The following CCDC170 variants were observed in gnomAD, a reference collection of about 807,000 sequenced individuals.
The protein encoded by CCDC170 is coiled-coil domain containing 170.
In CCDC170, 69 loss-of-function variants were observed where a neutral mutation model predicts 72.6. The observed-to-expected ratio is 0.95, with a 90% CI of 0.78 to 1.16. The LOEUF (loss-of-function observed/expected upper bound fraction) is 1.16, where lower values mean the gene tolerates loss of function less well. Among genes scored for constraint, CCDC170 ranks in the 50% most tolerant of loss-of-function variants. The pLI is 0.00. For synonymous variants in CCDC170, 300 were observed against 303.9 expected (o/e 0.99, Z 0.13); for missense variants, 852 against 832.5 (o/e 1.02, Z -0.29).
chr6:151,580,895 T>G (rs1389179991), intron 6 of CCDC170, among the ~76,000 whole-genome samples: 1 of 152,218 alleles, frequency 6.6e-6, no homozygotes, highest in South Asian at 2.1e-4. Context: ...GGTTTCTCAG[T>G]GCATATAAAA....
intron 6 of CCDC170, among the ~76,000 whole-genome samples, chr6:151,582,986 CTTTTTTTTTTTTT>C (rs35947074): frequency 9.6e-5 from 9 of 94,230 alleles, no homozygotes; most frequent in Admixed American, 3.8e-4. Flanking sequence ...TGGAGTAGCA[CTTTTTTTTTTTTT>C]TTTTTTTTTT....
chr6:151,578,502 C>T (rs1374009460), intron 6 of CCDC170, among the ~76,000 whole-genome samples: 2 of 152,138 alleles, frequency 1.3e-5, no homozygotes, highest in African/African-American at 2.4e-5. Flanking sequence ...CTTATAAGGA[C>T]CTCAGTCATC....
intron 9 of CCDC170, among the ~76,000 whole-genome samples, chr6:151,613,434 A>G (rs1008963541): frequency 6.6e-6 from 1 of 152,214 alleles, no homozygotes; most frequent in Non-Finnish European, 1.5e-5. Context: ...GATTTTTAGT[A>G]TATGCACATA....
At chr6:151,578,298 A>C (rs1397273590) in intron 6 of CCDC170, among the ~76,000 whole-genome samples, 1 of 152,162 alleles carries the variant, frequency 6.6e-6, no homozygotes, top group Non-Finnish European at 1.5e-5. Context: ...AGTTCTGGAG[A>C]TGAGAAGTCT....
At chr6:151,566,159 C>T (rs549534300) in intron 5 of CCDC170, among the ~76,000 whole-genome samples, 25 of 152,314 alleles carry the variant, frequency 1.6e-4, no homozygotes, top group Admixed American at 1.6e-3. Flanking sequence ...ATTGGGAAAG[C>T]TCAGATTTGG....
intron 1 of CCDC170, among the ~76,000 whole-genome samples, chr6:151,507,758 TA>T (rs1200847126): frequency 6.6e-6 from 1 of 151,866 alleles, no homozygotes; most frequent in African/African-American, 2.4e-5. Flanking sequence ...CTGTATCTAC[TA>T]AAAATACAAA....
At chr6:151,568,117 A>AAG (rs1347421725) in intron 5 of CCDC170, among the ~76,000 whole-genome samples, 4 of 151,018 alleles carry the variant, frequency 2.6e-5, no homozygotes, top group African/African-American at 9.7e-5. Flanking sequence ...AAAAAAAAAA[A>AAG]AAAAAAAAAA....
chr6:151,596,508 A>G lies in CCDC170; in HGVS notation c.1641A>G (p.Lys547=), dbSNP rs1776627018. ...AGAAGAAGGTGGAGAGGCTGCAGAA[A>G]GAGCTGAACACGTGTCGAGACTTGC... ...NLQKKVERLQ[K]ELNTCRDLHT... The change falls in exon 9 of 11, where the codon AAA becomes AAG. Residue 547 remains lysine (K), a synonymous_variant. Coordinates refer to ENST00000239374, the MANE Select transcript of CCDC170 (RefSeq NM_025059.4). The G allele has an allele frequency of 1.2e-6, 2 of 1,614,194 alleles. No individual in the cohort carries two copies. The highest frequency in any genetic ancestry group is 2.2e-5 in the East Asian group (1 of 44,882).
intron 5 of CCDC170, among the ~76,000 whole-genome samples, chr6:151,557,120 C>G (rs529019140): frequency 6.6e-6 from 1 of 152,172 alleles, no homozygotes; most frequent in African/African-American, 2.4e-5. Flanking sequence ...TTAAAAAAAT[C>G]TATTCAGGCC....
intron 9 of CCDC170, among the ~76,000 whole-genome samples, chr6:151,605,883 AGCTT>A (rs1776775110): frequency 6.9e-6 from 1 of 144,728 alleles, no homozygotes; most frequent in Non-Finnish European, 1.5e-5. Context: ...CAGTGCCACC[AGCTT>A]GCTTCTATGC....
intron 9 of CCDC170, among the ~76,000 whole-genome samples, chr6:151,600,238 T>G (rs1776683996): frequency 6.6e-6 from 1 of 152,242 alleles, no homozygotes; most frequent in African/African-American, 2.4e-5. Context: ...GTATCAGCTA[T>G]CCACCATTGT....
chr6:151,584,989 C>T (rs1022673805), intron 6 of CCDC170, among the ~76,000 whole-genome samples: 1 of 152,096 alleles, frequency 6.6e-6, no homozygotes, highest in Non-Finnish European at 1.5e-5. Flanking sequence ...AATAAACCAT[C>T]GAAAGAAAAC....
intron 1 of CCDC170, among the ~76,000 whole-genome samples, chr6:151,503,791 G>T (rs979912680): frequency 6.6e-6 from 1 of 152,070 alleles, no homozygotes; most frequent in Non-Finnish European, 1.5e-5. Flanking sequence ...AATGTTCCTC[G>T]ATTTGGGTAT....
chr6:151,503,516 G>C (rs916674418), intron 1 of CCDC170, among the ~76,000 whole-genome samples: 13 of 151,938 alleles, frequency 8.6e-5, no homozygotes, highest in African/African-American at 2.9e-4. Context: ...GCAATGGTGC[G>C]ATCACAGCTC....
intron 9 of CCDC170, among the ~76,000 whole-genome samples, chr6:151,611,646 C>T (rs1030064235): frequency 6.6e-6 from 1 of 152,156 alleles, no homozygotes; most frequent in African/African-American, 2.4e-5. Flanking sequence ...CACAAACATT[C>T]AGACTGTAGC....
At chr6:151,607,498 T>G (rs1340644754) in intron 9 of CCDC170, among the ~76,000 whole-genome samples, 1 of 152,218 alleles carries the variant, frequency 6.6e-6, no homozygotes, top group Non-Finnish European at 1.5e-5. Context: ...TTCATTCTGG[T>G]AAATATCTTT....
rs1782744525 is a variant in CCDC170 at position 151,544,665 on chromosome 6, G to A, written c.537G>A (p.Leu179=). The A allele has an allele frequency of 6.2e-7, 1 of 1,613,544 alleles. No individual in the cohort carries two copies. Among genetic ancestry groups the A allele is most frequent in the Non-Finnish European group, 8.5e-7 (1 of 1,179,536 alleles). ...TTCTGACTCAACTGCGTGACTGCTT[G>A]GATCCAGATGAGAGGAATGACAAGG... ...EEFLTQLRDC[L]DPDERNDKAS... Residue 179 remains leucine, a synonymous_variant, in exon 4 of 11, where the codon TTG becomes TTA. Coordinates refer to ENST00000239374, the MANE Select transcript of CCDC170 (RefSeq NM_025059.4).
chr6:151,567,057 A>G (rs1776147929), intron 5 of CCDC170, among the ~76,000 whole-genome samples: 1 of 152,088 alleles, frequency 6.6e-6, no homozygotes, highest in South Asian at 2.1e-4. Context: ...AGTAGCTAGG[A>G]TTACAGGCAT....
rs371502185 is a variant in CCDC170 at position 151,615,572 on chromosome 6, G to A, written c.1840G>A (p.Glu614Lys). ...VKSELDTTEH[E>K]AKENKERARN... ...GTCAGAACTGGATACCACAGAACATGAGGCTAAGGAGAATAAAGAAAGGGC... is the reference window on the plus strand; with the variant it reads ...GTCAGAACTGGATACCACAGAACATAAGGCTAAGGAGAATAAAGAAAGGGC... The change falls in exon 10 of 11, where the codon GAG becomes AAG. Residue 614 changes from glutamate to lysine, a missense_variant. Coordinates refer to ENST00000239374, the MANE Select transcript of CCDC170 (RefSeq NM_025059.4). 114 of 1,614,006 alleles carry A rather than the reference G, an allele frequency of 7.1e-5. No homozygotes were observed. Among genetic ancestry groups the A allele is most frequent in the Non-Finnish European group, 9.0e-5 (106 of 1,179,986 alleles).
Sources: gnomAD v4.1 joint callset for allele counts (sites outside exome capture counted in the v4.1 genomes callset) on GRCh38, gnomAD v4.1.1 for gene constraint, MANE v1.5 for transcripts, NCBI Gene and HGNC (gene_info 2026-07-23, HGNC 2026-07-21) for gene names.